Variants in BLVRA observed in about 807,000 individuals in gnomAD.
The protein encoded by BLVRA is biliverdin reductase A, also known as BVR A.
Under a neutral mutation model 32.8 loss-of-function variants are expected in BLVRA, and 22 were observed. The ratio of observed to expected loss-of-function variants is 0.67; its 90% CI spans 0.48 to 0.96. The LOEUF (loss-of-function observed/expected upper bound fraction) is 0.96. Among genes scored for constraint, BLVRA ranks in the 40% least tolerant of loss-of-function variants. BLVRA has a pLI of 0.00. For missense variants in BLVRA, 323 were observed against 358.1 expected (o/e 0.90, Z 0.79); for synonymous variants, 119 against 141.3 (o/e 0.84, Z 1.12).
intron 2 of BLVRA, among the ~76,000 whole-genome samples, chr7:43,772,811 AC>A (rs894619437): frequency 1.4e-4 from 21 of 152,126 alleles, no homozygotes; most frequent in African/African-American, 4.8e-4. Context: ...GGGGGAAACC[AC>A]CCCCGTGATT....
chr7:43,797,480 A>G (rs892752950), intron 5 of BLVRA, among the ~76,000 whole-genome samples: 2 of 152,230 alleles, frequency 1.3e-5, no homozygotes, highest in Non-Finnish European at 2.9e-5. Context: ...TATAAACATA[A>G]CTTGTGTATG....
intron 1 of BLVRA, among the ~76,000 whole-genome samples, chr7:43,769,376 TC>T (rs1284701569): frequency 2.0e-5 from 3 of 152,206 alleles, no homozygotes; most frequent in Admixed American, 6.5e-5. Flanking sequence ...CTATACTGCC[TC>T]CCCAGGATCT....
At chr7:43,764,389 CA>C (rs2095745542) in intron 1 of BLVRA, 1 of 152,210 alleles carries the variant, frequency 6.6e-6, no homozygotes, top group Non-Finnish European at 1.5e-5. Context: ...AGTTAATAAG[CA>C]GCTCTTTTCA....
chr7:43,766,680 C>T (rs983016669), intron 1 of BLVRA, among the ~76,000 whole-genome samples: 9 of 150,814 alleles, frequency 6.0e-5, no homozygotes, highest in South Asian at 4.1e-4. Context: ...CCTCTCCTGA[C>T]GGTGCATCTT....
chr7:43,799,646 G>A (rs1359977750), intron 5 of BLVRA, among the ~76,000 whole-genome samples: 2 of 151,872 alleles, frequency 1.3e-5, no homozygotes, highest in Admixed American at 6.6e-5. Flanking sequence ...CTAATTTTTT[G>A]TATTTTTTGT....
chr7:43,796,739 G>A (rs2095793273), intron 5 of BLVRA, among the ~76,000 whole-genome samples: 2 of 152,136 alleles, frequency 1.3e-5, no homozygotes, highest in South Asian at 4.1e-4. Context: ...GTGCCTCAAA[G>A]GAAGCAATCA....
At chr7:43,760,928 C>T (rs1012228045) in intron 1 of BLVRA, among the ~76,000 whole-genome samples, 1 of 152,120 alleles carries the variant, frequency 6.6e-6, no homozygotes, top group African/African-American at 2.4e-5. Flanking sequence ...ACCACCATGA[C>T]CAGCTAATTT....
rs1487968822 is a variant in BLVRA, at chr7:43,792,819, T to TA, written c.352+8dup. On this transcript the variant is annotated splice_region_variant and intron_variant, in intron 5 of 7. Transcript: ENST00000265523. ...GAGCTGGCTGAGCAGAAAGGTAATG[T>TA]ATCTTACCAAGAGTTTCTGCCTCCA... 1 of 1,613,434 alleles carries TA rather than the reference T, an allele frequency of 6.2e-7. No homozygotes were observed. Among genetic ancestry groups the TA allele is most frequent in the East Asian group, 2.2e-5 (1 of 44,868 alleles).
At chr7:43,759,880 G>A (rs1229627903) in intron 1 of BLVRA, 1 of 151,872 alleles carries the variant, frequency 6.6e-6, no homozygotes, top group African/African-American at 2.4e-5. Flanking sequence ...CAAAGTATCA[G>A]AAGGGAAATT....
chr7:43,773,266 C>G (rs894993249), intron 2 of BLVRA, among the ~76,000 whole-genome samples: 1 of 151,980 alleles, frequency 6.6e-6, no homozygotes, highest in Non-Finnish European at 1.5e-5. Flanking sequence ...TTAGGTATAT[C>G]TCCTAATGCT....
chr7:43,798,822 T>C (rs949431114), intron 5 of BLVRA, among the ~76,000 whole-genome samples: 6 of 152,172 alleles, frequency 3.9e-5, no homozygotes, highest in Non-Finnish European at 7.3e-5. Flanking sequence ...GTGGTTACCA[T>C]GTGTGTTTAT....
intron 3 of BLVRA, among the ~76,000 whole-genome samples, chr7:43,789,604 C>G (rs2095782939): frequency 6.6e-6 from 1 of 152,206 alleles, no homozygotes. Flanking sequence ...AAGCCCCAGT[C>G]CTCTGCCAGT....
At chr7:43,769,752 GC>G (rs1204810872) in intron 1 of BLVRA, among the ~76,000 whole-genome samples, 10 of 152,086 alleles carry the variant, frequency 6.6e-5, no homozygotes, top group Admixed American at 5.9e-4. Flanking sequence ...GGAATTACAG[GC>G]ATGCGCCACC....
intron 2 of BLVRA, among the ~76,000 whole-genome samples, chr7:43,785,028 T>G (rs1206021273): frequency 6.6e-6 from 1 of 152,138 alleles, no homozygotes; most frequent in Non-Finnish European, 1.5e-5. Context: ...GTATGCAAGT[T>G]TGTGTGTATC....
At chr7:43,802,485 C>CT (rs1297345993) in intron 6 of BLVRA, among the ~76,000 whole-genome samples, 2 of 151,946 alleles carry the variant, frequency 1.3e-5, no homozygotes, top group African/African-American at 4.8e-5. Flanking sequence ...CACCAATACT[C>CT]TTTTTTATGT....
At chr7:43,761,673 AGCACC>A (rs1450420170) in intron 1 of BLVRA, among the ~76,000 whole-genome samples, 10 of 152,302 alleles carry the variant, frequency 6.6e-5, no homozygotes, top group African/African-American at 2.2e-4. Flanking sequence ...TCATTATCAG[AGCACC>A]TTGATATGTT....
intron 3 of BLVRA, among the ~76,000 whole-genome samples, chr7:43,789,319 T>C (rs2095782486): frequency 1.3e-5 from 2 of 152,316 alleles, no homozygotes; most frequent in South Asian, 4.1e-4. Flanking sequence ...CATGTTTTCA[T>C]TCATGGGGCC....
At chr7:43,770,718 A>C (rs1712353576) in intron 1 of BLVRA, among the ~76,000 whole-genome samples, 1 of 152,112 alleles carries the variant, frequency 6.6e-6, no homozygotes, top group African/African-American at 2.4e-5. Context: ...AGTCCTCCAG[A>C]AACTCAGCTA....
intron 5 of BLVRA, among the ~76,000 whole-genome samples, chr7:43,793,332 G>A (rs763812486): frequency 1.4e-4 from 21 of 152,192 alleles, no homozygotes; most frequent in Admixed American, 5.2e-4. Context: ...TTCTCTAGAT[G>A]CTGTATAGAA....
Sources: allele counts gnomAD v4.1 joint callset (sites outside exome capture counted in the v4.1 genomes callset), GRCh38; gene constraint gnomAD v4.1.1; transcripts MANE v1.5; gene names NCBI Gene and HGNC (gene_info 2026-07-23, HGNC 2026-07-21).